The following LURAP1L variants were observed in gnomAD, a reference collection of about 807,000 sequenced individuals.
LURAP1L encodes the protein leucine rich adaptor protein 1-like.
A neutral mutation model predicts 13.8 loss-of-function variants in LURAP1L; 12 were observed. The observed-to-expected ratio is 0.87, with a 90% CI of 0.56 to 1.41. The LOEUF (loss-of-function observed/expected upper bound fraction) is 1.41. Among genes scored for constraint, LURAP1L ranks in the 40% most tolerant of loss-of-function variants. The pLI, the probability that LURAP1L is intolerant of heterozygous loss-of-function variation, is 0.00. For synonymous variants in LURAP1L, 139 were observed against 119.2 expected, an observed-to-expected ratio of 1.17 and a Z score of -1.08; for missense variants, 375 against 292.9, an observed-to-expected ratio of 1.28 and a Z score of -2.04.
intron 1 of LURAP1L, among the ~76,000 whole-genome samples, chr9:12,809,824 A>G (rs1819712227): frequency 6.6e-6 from 1 of 152,174 alleles, no homozygotes; most frequent in Non-Finnish European, 1.5e-5. Flanking sequence ...AATTTCCTCT[A>G]GTATCCTTGC....
intron 1 of LURAP1L, among the ~76,000 whole-genome samples, chr9:12,796,646 G>C (rs565468677): frequency 6.6e-6 from 1 of 151,780 alleles, no homozygotes; most frequent in South Asian, 2.1e-4. Context: ...ATAAAATTTT[G>C]CAATTCTTGA....
intron 1 of LURAP1L, among the ~76,000 whole-genome samples, chr9:12,811,644 G>A (rs1035630544): frequency 9.2e-5 from 14 of 152,098 alleles, no homozygotes; most frequent in South Asian, 2.1e-4. Flanking sequence ...GTGATTCAGC[G>A]TCTATCAACA....
At chr9:12,816,718 A>T (rs1003254934) in intron 1 of LURAP1L, among the ~76,000 whole-genome samples, 2 of 152,216 alleles carry the variant, frequency 1.3e-5, no homozygotes, top group African/African-American at 4.8e-5. Context: ...ATGACATGAA[A>T]TCTCAACATT....
chr9:12,793,790 C>T (rs750478373), intron 1 of LURAP1L, among the ~76,000 whole-genome samples: 7 of 151,948 alleles, frequency 4.6e-5, no homozygotes, highest in South Asian at 2.1e-4. Context: ...GTACCAAAGA[C>T]GGAAAACCAC....
rs2118560562 is a variant in LURAP1L, at chr9:12,821,966, T to C, written c.*206T>C. 1 of 482,982 alleles carries C rather than the reference T, an allele frequency of 2.1e-6. No homozygotes were observed. Among genetic ancestry groups the C allele is most frequent in the East Asian group, 3.3e-5 (1 of 30,768 alleles). The allele number at this position is 482,982 out of a possible 1,614,324, so 29.9% of individuals were successfully genotyped here. ...TTCTCTGTTACATCTCTATTTTTTATTTATTACAATGATTTTCTCCCTTCT... is the reference window on the plus strand; with the variant it reads ...TTCTCTGTTACATCTCTATTTTTTACTTATTACAATGATTTTCTCCCTTCT... On this transcript the variant is annotated 3_prime_UTR_variant, in exon 2 of 2. Coordinates refer to ENST00000319264, the MANE Select transcript of LURAP1L (RefSeq NM_203403.2).
At chr9:12,795,838 T>C (rs1403060846) in intron 1 of LURAP1L, among the ~76,000 whole-genome samples, 1 of 152,046 alleles carries the variant, frequency 6.6e-6, no homozygotes, top group East Asian at 1.9e-4. Flanking sequence ...TGTTGTACTT[T>C]TGGAATAGTC....
intron 1 of LURAP1L, among the ~76,000 whole-genome samples, chr9:12,783,997 T>C (rs1221344204): frequency 6.6e-6 from 1 of 152,170 alleles, no homozygotes; most frequent in Admixed American, 6.5e-5. Flanking sequence ...GTCAATTCAA[T>C]TGTTTAGCTC....
rs544145036 is a variant in LURAP1L, at chr9:12,813,470, T to C, written c.313-7916T>C. On this transcript the variant is annotated intron_variant, in intron 1 of 1. Transcript: ENST00000319264. ...CATGTTTATGTTTAAGGACATTCTA[T>C]AGACAGATTCAAATTGGCCATGTAG... 3.3e-5 allele frequency among the ~76,000 whole-genome samples: 5 copies of C among 152,272 alleles called. No individual in the cohort carries two copies. In the South Asian group the frequency reaches 1.0e-3, roughly 32 times the overall value.
chr9:12,787,574 A>G (rs1457481172), intron 1 of LURAP1L, among the ~76,000 whole-genome samples: 2 of 152,192 alleles, frequency 1.3e-5, no homozygotes, highest in African/African-American at 2.4e-5. Flanking sequence ...CTCTACTCTC[A>G]TCCTAGCCAG....
intron 1 of LURAP1L, among the ~76,000 whole-genome samples, chr9:12,801,454 A>G (rs1356465564): frequency 6.6e-6 from 1 of 152,138 alleles, no homozygotes; most frequent in Non-Finnish European, 1.5e-5. Flanking sequence ...TAGTATGTAC[A>G]TATATGCATG....
chr9:12,778,915 G>A (rs143395186), intron 1 of LURAP1L, among the ~76,000 whole-genome samples: 5 of 152,182 alleles, frequency 3.3e-5, no homozygotes, highest in Non-Finnish European at 5.9e-5. Flanking sequence ...ATGGATGCTT[G>A]AAACTGTGGA....
rs553992995 is a variant in LURAP1L at position 12,815,971 on chromosome 9, T to C, written c.313-5415T>C. ...CCAAACTTCTAGCCTTAGCCATGAG[T>C]TTTTACCAGCTACATCTTTTGCTGG... is the stretch of plus-strand genomic sequence containing the variant. On this transcript the variant is annotated intron_variant, in intron 1 of 1. Transcript: ENST00000319264. Among the ~76,000 whole-genome samples the C allele has an allele frequency of 1.3e-4, 20 of 152,106 alleles. No individual in the cohort carries two copies. The South Asian group carries it at 4.0e-3, about 30-fold the overall frequency.
Position 12,775,555 on chromosome 9 carries a change from G to C in LURAP1L, c.-161G>C, listed in dbSNP as rs967068647. 2.1e-5 allele frequency: 26 copies of C among 1,215,240 alleles called. No homozygotes were observed. The Admixed American group carries it at 2.4e-4, about 11-fold the overall frequency. 75.3% of individuals were successfully genotyped at this position (1,215,240 alleles called of 1,614,324 possible). On this transcript the variant is annotated 5_prime_UTR_variant, in exon 1 of 2. Transcript: ENST00000319264. Reference sequence around the variant, plus strand: ...CGCGTCCTGTGCGGATTTCAGGGCTGATACCGCATAGGCGGTTATGGAAAG... The same window carrying C: ...CGCGTCCTGTGCGGATTTCAGGGCTCATACCGCATAGGCGGTTATGGAAAG...
chr9:12,802,647 C>T (rs1446408328), intron 1 of LURAP1L, among the ~76,000 whole-genome samples: 2 of 152,162 alleles, frequency 1.3e-5, no homozygotes, highest in Non-Finnish European at 1.5e-5. Context: ...AACATGAGAG[C>T]AGACTAATGC....
chr9:12,777,412 A>T, intron 1 of LURAP1L: 1 of 985,278 alleles, frequency 1.0e-6, no homozygotes, highest in Non-Finnish European at 1.2e-6. Flanking sequence ...AATTTCTTGT[A>T]CAAGGAATTA....
intron 1 of LURAP1L, among the ~76,000 whole-genome samples, chr9:12,779,659 T>C (rs1167547214): frequency 6.6e-6 from 1 of 152,178 alleles, no homozygotes; most frequent in Non-Finnish European, 1.5e-5. Flanking sequence ...CTGAAGGTAG[T>C]AAGTGGAGGA....
At chr9:12,805,577 GAC>G (rs199786194) in intron 1 of LURAP1L, among the ~76,000 whole-genome samples, 1,811 of 152,184 alleles carry the variant, frequency 0.012, 35 homozygotes, top group African/African-American at 0.042. Flanking sequence ...CAGACAAATA[GAC>G]ACACAAAAAA....
intron 1 of LURAP1L, among the ~76,000 whole-genome samples, chr9:12,792,747 C>T (rs1819459198): frequency 6.6e-6 from 1 of 151,806 alleles, no homozygotes; most frequent in African/African-American, 2.4e-5. Context: ...GAAAAATATC[C>T]ACTTGTTTTT....
chr9:12,784,193 T>C (rs1265406841), intron 1 of LURAP1L, among the ~76,000 whole-genome samples: 1 of 152,214 alleles, frequency 6.6e-6, no homozygotes, highest in Non-Finnish European at 1.5e-5. Context: ...GATTGGTTAC[T>C]GGTGCCCTTA....
Sources: allele counts gnomAD v4.1 joint callset (sites outside exome capture counted in the v4.1 genomes callset), GRCh38; gene constraint gnomAD v4.1.1; transcripts MANE v1.5; gene names NCBI Gene and HGNC (gene_info 2026-07-23, HGNC 2026-07-21).